ADAM9: variants seen among roughly 807,000 people sequenced by gnomAD.
The protein encoded by ADAM9 is ADAM metallopeptidase domain 9.
Under a neutral mutation model 108.1 loss-of-function variants are expected in ADAM9, and 54 were observed. That is an observed-to-expected ratio of 0.50 (90% confidence interval 0.40 to 0.63). The LOEUF is 0.63. Among genes scored for constraint, ADAM9 ranks in the 20% least tolerant of loss-of-function variants. The pLI, the probability that ADAM9 is intolerant of heterozygous loss-of-function variation, is 0.00. For missense variants in ADAM9, 830 were observed against 997.7 expected, an observed-to-expected ratio of 0.83 and a Z score of 2.26; for synonymous variants, 316 against 336.0, an observed-to-expected ratio of 0.94 and a Z score of 0.65.
chr8:39,048,298 G>A (rs9650347), intron 12 of ADAM9, among the ~76,000 whole-genome samples: 62,415 of 151,958 alleles, frequency 0.41, 13,597 homozygotes, highest in East Asian at 0.73. Context: ...TCTTGTGTTT[G>A]ATTTCCTTTT....
chr8:39,045,382 A>G (rs1356657325), intron 12 of ADAM9, among the ~76,000 whole-genome samples: 3 of 40,568 alleles, frequency 7.4e-5, no homozygotes, highest in South Asian at 1.4e-3. Flanking sequence ...ACATACACCT[A>G]TAGGTGTGTG....
Position 39,061,739 on chromosome 8 carries a change from G to A in ADAM9, c.1591+5967G>A, listed in dbSNP as rs1383219600. Among the ~76,000 whole-genome samples the A allele has an allele frequency of 2.6e-5, 4 of 152,156 alleles. No individual in the cohort carries two copies. In the South Asian group the frequency reaches 6.2e-4, roughly 24 times the overall value. ...GGCAAGAGACGAAGTGGGGCCAAAC[G>A]CACCCTTTTATAACAATATTAATCT... On this transcript the variant is annotated intron_variant, in intron 14 of 21. Coordinates refer to ENST00000487273, the MANE Select transcript of ADAM9 (RefSeq NM_003816.3).
At chr8:39,087,496 C>CT (rs1839212987) in intron 18 of ADAM9, among the ~76,000 whole-genome samples, 1 of 152,184 alleles carries the variant, frequency 6.6e-6, no homozygotes, top group Admixed American at 6.5e-5. Flanking sequence ...TAGATTGTTT[C>CT]TAAGGTTTTG....
At chr8:39,077,187 C>T (rs760551863) in intron 15 of ADAM9, 41 bp from the exon 16 acceptor site, 1 of 1,606,044 alleles carries the variant, frequency 6.2e-7, no homozygotes, top group Non-Finnish European at 8.5e-7. Context: ...GTTATGTATA[C>T]TGGATGCATT....
At chr8:39,062,515 G>A (rs1490180132) in intron 14 of ADAM9, among the ~76,000 whole-genome samples, 4 of 152,186 alleles carry the variant, frequency 2.6e-5, no homozygotes, top group Admixed American at 6.5e-5. Context: ...AGCCAATGCC[G>A]TAAGTTTTTA....
intron 8 of ADAM9, 111 bp downstream of exon 8, chr8:39,021,825 C>CT (rs1432774633): frequency 3.2e-6 from 3 of 926,172 alleles, no homozygotes; most frequent in Non-Finnish European, 5.3e-6. Context: ...GCCTCAATGA[C>CT]TTAGTCTTTC....
intron 11 of ADAM9, among the ~76,000 whole-genome samples, chr8:39,028,178 C>G (rs1836985173): frequency 6.6e-6 from 1 of 152,150 alleles, no homozygotes; most frequent in African/African-American, 2.4e-5. Flanking sequence ...TCCTGAAGCA[C>G]TGACAGAGTA....
At chr8:39,071,465 CTT>C (rs34398586) in intron 15 of ADAM9, 62 bp downstream of exon 15, 47,837 of 568,570 alleles carry the variant, frequency 0.084, 2 homozygotes, top group East Asian at 0.14. Flanking sequence ...TCTCTAGTAT[CTT>C]TTTTTTTTTT....
chr8:39,038,812 T>C (rs1451243834), intron 11 of ADAM9, among the ~76,000 whole-genome samples: 1 of 152,218 alleles, frequency 6.6e-6, no homozygotes, highest in East Asian at 1.9e-4. Flanking sequence ...GACAAAAGCC[T>C]TGTGCTAAAT....
rs746707051 is a variant in ADAM9 at position 39,091,246 on chromosome 8, T to C, written c.2211-13T>C. 5 of 1,610,476 alleles carry C rather than the reference T, an allele frequency of 3.1e-6. No individual in the cohort carries two copies. The highest frequency in any genetic ancestry group is 4.2e-6 in the Non-Finnish European group (5 of 1,176,706). On this transcript the variant is annotated splice_polypyrimidine_tract_variant and intron_variant, in intron 19 of 21. Transcript: ENST00000487273. ...TTATCTTAATTTAGATCAAAAGTAA[T>C]TGTATCTTTCAGGTCAGATGGCAAA...
At chr8:39,086,867 CT>C (rs759514350) in intron 18 of ADAM9, among the ~76,000 whole-genome samples, 1 of 152,222 alleles carries the variant, frequency 6.6e-6, no homozygotes, top group Non-Finnish European at 1.5e-5. Flanking sequence ...GGCAAAACCA[CT>C]TCTGTTTATC....
chr8:39,022,110 G>C (rs1392765515), intron 8 of ADAM9, among the ~76,000 whole-genome samples: 1 of 151,788 alleles, frequency 6.6e-6, no homozygotes, highest in African/African-American at 2.4e-5. Flanking sequence ...GAGAGAGAGA[G>C]AGAGAGAGAG....
chr8:39,088,564 T>G (rs1839249058), intron 18 of ADAM9, among the ~76,000 whole-genome samples: 1 of 152,158 alleles, frequency 6.6e-6, no homozygotes, highest in South Asian at 2.1e-4. Context: ...GCCAGTTTTA[T>G]ACAACTTTTT....
At chr8:39,048,998 G>GTT (rs34077661) in intron 12 of ADAM9, among the ~76,000 whole-genome samples, 7 of 121,462 alleles carry the variant, frequency 5.8e-5, no homozygotes, top group African/African-American at 6.0e-5. Context: ...ATAGCATATA[G>GTT]TTTTTTTTTT....
At chr8:39,096,075 A>AC (rs1839491767) in intron 20 of ADAM9, among the ~76,000 whole-genome samples, 1 of 122,308 alleles carries the variant, frequency 8.2e-6, no homozygotes, top group Non-Finnish European at 1.8e-5. Context: ...TTTCTTTTTA[A>AC]TTAAAAAAAT....
At chr8:39,066,399 C>T (rs1838474676) in intron 14 of ADAM9, among the ~76,000 whole-genome samples, 1 of 152,224 alleles carries the variant, frequency 6.6e-6, no homozygotes, top group Non-Finnish European at 1.5e-5. Context: ...TTCTCCACAT[C>T]CTCTCCAGCA....
chr8:39,050,586 C>T (rs1837925869), intron 12 of ADAM9, among the ~76,000 whole-genome samples: 1 of 151,954 alleles, frequency 6.6e-6, no homozygotes, highest in African/African-American at 2.4e-5. Flanking sequence ...ATTCTTCAGC[C>T]CCGAAATTAG....
At chr8:39,100,139 T>G (rs915318872) in intron 20 of ADAM9, among the ~76,000 whole-genome samples, 3 of 151,868 alleles carry the variant, frequency 2.0e-5, no homozygotes, top group Non-Finnish European at 4.4e-5. Context: ...TTCCAAAGTG[T>G]TGTGATTACA....
chr8:39,026,868 A>G, intron 11 of ADAM9, 58 bp downstream of exon 11: 3 of 1,599,886 alleles, frequency 1.9e-6, no homozygotes, highest in Non-Finnish European at 2.6e-6. Context: ...TGTTTCTTAC[A>G]CTGTGAGGGA....
Sources: allele counts gnomAD v4.1 joint callset (sites outside exome capture counted in the v4.1 genomes callset), GRCh38; gene constraint gnomAD v4.1.1; transcripts MANE v1.5; gene names NCBI Gene and HGNC (gene_info 2026-07-23, HGNC 2026-07-21).